The following AFF1 variants were observed in gnomAD, a reference collection of about 807,000 sequenced individuals.
The protein encoded by AFF1 is ALF transcription elongation factor 1.
Under a neutral mutation model 121.7 loss-of-function variants are expected in AFF1, and 48 were observed. That is an observed-to-expected ratio of 0.39 (90% confidence interval 0.31 to 0.50). The LOEUF (loss-of-function observed/expected upper bound fraction) is 0.50. AFF1 is among the 20% of genes least tolerant of loss of function. The pLI is 0.76. For missense variants in AFF1, 1,523 were observed against 1,511.7 expected (o/e 1.01, Z -0.12); for synonymous variants, 613 against 563.0 (o/e 1.09, Z -1.26).
chr4:87,046,616 A>G (rs1307868195), intron 3 of AFF1, 79 bp from the exon 4 acceptor site: 13 of 1,419,588 alleles, frequency 9.2e-6, no homozygotes, highest in Admixed American at 2.3e-5. Context: ...TTTTTCCTTA[A>G]TAGTATTATA....
intron 2 of AFF1, among the ~76,000 whole-genome samples, chr4:86,993,276 T>C (rs766600102): frequency 5.9e-5 from 9 of 152,218 alleles, no homozygotes; most frequent in Non-Finnish European, 1.3e-4. Flanking sequence ...GTAACCTCTT[T>C]TATGTGTGAG....
chr4:87,105,471 CTT>C (rs1725817971), intron 8 of AFF1, among the ~76,000 whole-genome samples, 155 bp from the exon 9 acceptor site: 1 of 152,112 alleles, frequency 6.6e-6, no homozygotes, highest in East Asian at 1.9e-4. Context: ...AATTGTAAAA[CTT>C]AACATTTTCA....
Position 87,040,495 on chromosome 4 carries a change from A to G in AFF1, c.39-5671A>G, listed in dbSNP as rs78112463. On this transcript the variant is annotated intron_variant, in intron 2 of 20. Coordinates refer to ENST00000395146, the MANE Select transcript of AFF1 (RefSeq NM_001166693.3). ...TGCTAGCAGAACTGTGGCTGAGAGT[A>G]TAAGCTTTCTTGCCAGGCATTGGTG... Among the ~76,000 whole-genome samples the G allele has an allele frequency of 4.3e-3, 649 of 151,838 alleles. 4 individuals are homozygous for G. The highest frequency in any genetic ancestry group is 0.015 in the African/African-American group (612 of 41,370).
intron 2 of AFF1, among the ~76,000 whole-genome samples, chr4:86,976,376 G>C (rs539599155): frequency 6.6e-6 from 1 of 152,208 alleles, no homozygotes; most frequent in East Asian, 1.9e-4. Context: ...ATCAACCTAG[G>C]TGCCAGTGGT....
At chr4:86,948,155 C>A (rs562233577) in intron 1 of AFF1, among the ~76,000 whole-genome samples, 2 of 152,004 alleles carry the variant, frequency 1.3e-5, no homozygotes, top group Non-Finnish European at 2.9e-5. Context: ...AATGAAATGC[C>A]ATTTTTAAAA....
intron 2 of AFF1, among the ~76,000 whole-genome samples, chr4:87,031,476 G>A (rs1169585079): frequency 2.2e-5 from 3 of 137,830 alleles, no homozygotes; most frequent in Non-Finnish European, 4.7e-5. Flanking sequence ...TCCTTCATTT[G>A]TGTATCTCGC....
At chr4:86,940,331 A>G (rs1461426159) in intron 1 of AFF1, among the ~76,000 whole-genome samples, 4 of 152,216 alleles carry the variant, frequency 2.6e-5, no homozygotes, top group Non-Finnish European at 5.9e-5. Flanking sequence ...CCAATTTTCC[A>G]AAGGGTTATG....
intron 10 of AFF1, among the ~76,000 whole-genome samples, chr4:87,106,842 T>A (rs1256855783): frequency 6.6e-6 from 1 of 152,248 alleles, no homozygotes; most frequent in Non-Finnish European, 1.5e-5. Flanking sequence ...TTACAGTTAA[T>A]GTGGAGGAAG....
intron 11 of AFF1, among the ~76,000 whole-genome samples, chr4:87,113,625 C>G (rs1165446787): frequency 6.6e-6 from 1 of 152,148 alleles, no homozygotes; most frequent in African/African-American, 2.4e-5. Flanking sequence ...TGTGACCCAG[C>G]TGACTTTATC....
At chr4:87,039,839 T>A (rs1729942056) in intron 2 of AFF1, among the ~76,000 whole-genome samples, 1 of 152,166 alleles carries the variant, frequency 6.6e-6, no homozygotes, top group African/African-American at 2.4e-5. Context: ...AGACTTTGCA[T>A]CCTCCTTCCC....
At chr4:87,124,934 C>T in intron 12 of AFF1, 103 bp from the exon 13 acceptor site, 1 of 935,536 alleles carries the variant, frequency 1.1e-6, no homozygotes, top group Non-Finnish European at 1.6e-6. Flanking sequence ...AGAGATGTCT[C>T]CAAAGGTTCC....
At chr4:87,094,823 G>A in intron 7 of AFF1, 92 bp from the exon 8 acceptor site, 2 of 1,214,738 alleles carry the variant, frequency 1.6e-6, no homozygotes, top group Non-Finnish European at 2.4e-6. Flanking sequence ...GTGTGTTTAG[G>A]TAAAAACTGG....
intron 6 of AFF1, 93 bp downstream of exon 6, chr4:87,090,163 C>T: frequency 9.7e-7 from 1 of 1,028,954 alleles, no homozygotes; most frequent in Non-Finnish European, 1.4e-6. Context: ...ATTACTTGTT[C>T]AAATCTTTGG....
chr4:87,107,442 G>T (rs577761042), intron 10 of AFF1, among the ~76,000 whole-genome samples: 3 of 152,102 alleles, frequency 2.0e-5, no homozygotes, highest in African/African-American at 7.2e-5. Context: ...TCTCTACTTT[G>T]TCTGACATTT....
intron 11 of AFF1, among the ~76,000 whole-genome samples, chr4:87,110,096 A>G (rs1726310743): frequency 6.6e-6 from 1 of 152,192 alleles, no homozygotes; most frequent in African/African-American, 2.4e-5. Flanking sequence ...ATTAATGAGA[A>G]TTCTTTTTCA....
chr4:87,037,240 AACG>A (rs1293818787), intron 2 of AFF1, among the ~76,000 whole-genome samples: 3 of 152,332 alleles, frequency 2.0e-5, no homozygotes, highest in East Asian at 3.9e-4. Context: ...ATTTAAAAAC[AACG>A]TTAACAAAAT....
chr4:87,127,509 C>T (rs1728400123), intron 15 of AFF1, 134 bp from the exon 16 acceptor site: 4 of 782,224 alleles, frequency 5.1e-6, no homozygotes, highest in East Asian at 2.7e-5. Context: ...TCCTTATTTC[C>T]ACTTCTCCTT....
intron 4 of AFF1, among the ~76,000 whole-genome samples, chr4:87,056,931 G>C (rs1321843112): frequency 6.6e-6 from 1 of 152,202 alleles, no homozygotes; most frequent in Non-Finnish European, 1.5e-5. Context: ...CTGTTTTACT[G>C]AGAGATTTAG....
At chr4:87,021,398 A>G (rs72667756) in intron 2 of AFF1, among the ~76,000 whole-genome samples, 30 of 152,340 alleles carry the variant, frequency 2.0e-4, no homozygotes, top group Non-Finnish European at 4.1e-4. Flanking sequence ...TTTATCCAGA[A>G]GTAAAAATGT....
Sources: allele counts gnomAD v4.1 joint callset (sites outside exome capture counted in the v4.1 genomes callset), GRCh38; gene constraint gnomAD v4.1.1; transcripts MANE v1.5; gene names NCBI Gene and HGNC (gene_info 2026-07-23, HGNC 2026-07-21).